Variants in MBOAT2 observed in about 807,000 individuals in gnomAD.
The protein encoded by MBOAT2 is membrane-bound glycerophospholipid O-acyltransferase 2.
A neutral mutation model predicts 63.4 loss-of-function variants in MBOAT2; 28 were observed. The ratio of observed to expected loss-of-function variants is 0.44; its 90% CI spans 0.33 to 0.61. MBOAT2 has a LOEUF of 0.61. Among genes scored for constraint, MBOAT2 ranks in the 20% least tolerant of loss-of-function variants. The probability of loss-of-function intolerance (pLI) is 0.03; values close to 1 mark genes in which losing one functional copy is unlikely to be tolerated. For missense variants in MBOAT2, 470 were observed against 605.8 expected (o/e 0.78, Z 2.35); for synonymous variants, 211 against 215.6 (o/e 0.98, Z 0.19).
chr2:8,862,176 C>A lies in MBOAT2; in HGVS notation c.1185+414G>T. Reference sequence around the variant, plus strand: ...AGAACTGTGTCCTCTTCCAGTGTGGCTCATCCACTGTCTTGGCCTCGCACA... The same window carrying A: ...AGAACTGTGTCCTCTTCCAGTGTGGATCATCCACTGTCTTGGCCTCGCACA... On this transcript the variant is annotated intron_variant, in intron 11 of 12. Transcript: ENST00000305997. This position sits in a 1 kb window ranked among gnomAD's most constrained non-coding sequence, Gnocchi z 4.3. 1.8e-6 allele frequency: 1 copy of A among 564,096 alleles called. No individual in the cohort carries two copies. The highest frequency in any genetic ancestry group is 2.0e-5 in the African/African-American group (1 of 50,532). The allele number at this position is 564,096 out of a possible 1,614,324, so 34.9% of individuals were successfully genotyped here. A position where few individuals can be genotyped will look rare whatever the true frequency, so the allele number is the denominator to read the frequency against.
At chr2:9,002,257 G>T (rs1336015915) in intron 1 of MBOAT2, among the ~76,000 whole-genome samples, 1 of 152,202 alleles carries the variant, frequency 6.6e-6, no homozygotes, top group African/African-American at 2.4e-5. Flanking sequence ...CTATTAACCA[G>T]AAGTTATGAC....
At chr2:8,930,379 C>T (rs1667232069) in intron 3 of MBOAT2, among the ~76,000 whole-genome samples, 1 of 152,144 alleles carries the variant, frequency 6.6e-6, no homozygotes, top group Admixed American at 6.5e-5. Flanking sequence ...TGGTTTCCAG[C>T]TTCATCCATG....
chr2:8,985,468 C>T (rs771597159), intron 1 of MBOAT2, among the ~76,000 whole-genome samples: 3 of 152,106 alleles, frequency 2.0e-5, no homozygotes, highest in Non-Finnish European at 4.4e-5. Context: ...ATGTTTATAC[C>T]TCAAAGTCTA....
At chr2:8,897,453 A>T (rs909068215) in intron 4 of MBOAT2, among the ~76,000 whole-genome samples, 2 of 152,172 alleles carry the variant, frequency 1.3e-5, no homozygotes, top group African/African-American at 4.8e-5. Context: ...CCCAGAGGTT[A>T]GGAACTCCCT....
chr2:8,986,765 T>A (rs1671600274), intron 1 of MBOAT2, among the ~76,000 whole-genome samples: 1 of 152,240 alleles, frequency 6.6e-6, no homozygotes, highest in Non-Finnish European at 1.5e-5. Flanking sequence ...CCTGACTGGA[T>A]TAGTGCCCTT....
At position 8,983,154 on chromosome 2, in the gene MBOAT2, C is replaced by T. The variant is rs78300472; in HGVS notation, c.75+20386G>A. Among the ~76,000 whole-genome samples, 862 of 152,014 alleles carry T rather than the reference C, an allele frequency of 5.7e-3. 7 individuals carry two copies. Among genetic ancestry groups the T allele is most frequent in the Non-Finnish European group, 9.6e-3 (651 of 67,996 alleles). ...ACTGAGGTCCTGGCTGCATCTAGAG[C>T]TTGATCCAAATTATATGATACAGAT... On this transcript the variant is annotated intron_variant, in intron 1 of 12. Coordinates refer to ENST00000305997, the MANE Select transcript of MBOAT2 (RefSeq NM_138799.4).
At chr2:8,999,325 T>C (rs1226977644) in intron 1 of MBOAT2, among the ~76,000 whole-genome samples, 5 of 151,940 alleles carry the variant, frequency 3.3e-5, no homozygotes, top group Non-Finnish European at 2.9e-5. Flanking sequence ...AATTACAGCA[T>C]CATGAGAAAT....
chr2:8,996,581 T>C (rs986249179), intron 1 of MBOAT2, among the ~76,000 whole-genome samples: 4 of 152,192 alleles, frequency 2.6e-5, no homozygotes, highest in African/African-American at 9.6e-5. Context: ...AGGTTCGCTG[T>C]AGGCTGGCTG....
intron 7 of MBOAT2, among the ~76,000 whole-genome samples, chr2:8,875,969 C>T (rs1246384189): frequency 2.6e-5 from 4 of 152,194 alleles, no homozygotes; most frequent in African/African-American, 9.7e-5. Flanking sequence ...CTTTGTTGCC[C>T]ACACAGTGGA....
In MBOAT2 at chr2:9,003,554, G is replaced by T; in HGVS notation, c.61C>A (p.Leu21Met). ...CCTCGGGGTACCTGGTCGATGGGCA[G>T]CTGCACGGCGTTGCTGAGGGGCTGC... ...LLQPLSNAVQ[L>M]PIDQVNFVVC... is the part of the protein sequence containing the mutation. The change falls in exon 1 of 13, where the codon CTG becomes ATG. Residue 21 changes from leucine to methionine, a missense_variant. Around this residue, in one of 3 missense-constraint regions of MBOAT2, gnomAD observed 376 missense variants for 503.8 expected, o/e 0.75. Coordinates refer to ENST00000305997, the MANE Select transcript of MBOAT2 (RefSeq NM_138799.4). The surrounding 1 kb of genome is among the most constrained non-coding windows in gnomAD (Gnocchi z 5.4). 1 of 1,227,362 alleles carries T rather than the reference G, an allele frequency of 8.1e-7. No homozygotes were observed. The highest frequency in any genetic ancestry group is 1.0e-6 in the Non-Finnish European group (1 of 978,696). 76.0% of individuals were successfully genotyped at this position (1,227,362 alleles called of 1,614,324 possible). A position where few individuals can be genotyped will look rare whatever the true frequency, so the allele number is the denominator to read the frequency against.
intron 1 of MBOAT2, among the ~76,000 whole-genome samples, chr2:8,979,193 C>T (rs896555290): frequency 2.0e-5 from 3 of 152,094 alleles, no homozygotes; most frequent in African/African-American, 4.8e-5. Flanking sequence ...TAAAATAGTA[C>T]ACTTTTCAAG....
At chr2:8,942,982 T>C (rs1668157988) in intron 3 of MBOAT2, among the ~76,000 whole-genome samples, 1 of 152,132 alleles carries the variant, frequency 6.6e-6, no homozygotes, top group Admixed American at 6.6e-5. Context: ...TGTCAATGAA[T>C]CATCCATCCC....
intron 3 of MBOAT2, among the ~76,000 whole-genome samples, chr2:8,925,646 C>T (rs1369426414): frequency 6.6e-6 from 1 of 152,152 alleles, no homozygotes; most frequent in Non-Finnish European, 1.5e-5. Context: ...ACATGTTAAT[C>T]ATCTAAAATT....
chr2:8,894,382 G>C (rs983667466), intron 4 of MBOAT2, among the ~76,000 whole-genome samples: 15 of 152,316 alleles, frequency 9.8e-5, no homozygotes, highest in African/African-American at 3.4e-4. Context: ...GTAATCAAAC[G>C]TAGGTCAAGG....
chr2:8,878,367 C>T (rs1662852517), intron 6 of MBOAT2, among the ~76,000 whole-genome samples: 1 of 152,098 alleles, frequency 6.6e-6, no homozygotes, highest in African/African-American at 2.4e-5. Context: ...AATGATAAAC[C>T]ATCACAAAGA....
At chr2:8,970,594 T>C (rs901590242) in intron 1 of MBOAT2, among the ~76,000 whole-genome samples, 1 of 152,138 alleles carries the variant, frequency 6.6e-6, no homozygotes, top group Non-Finnish European at 1.5e-5. Flanking sequence ...GCTGGTTTTT[T>C]GGAAGATCAA....
chr2:8,957,898 C>T (rs556316939), intron 2 of MBOAT2, among the ~76,000 whole-genome samples: 13 of 152,230 alleles, frequency 8.5e-5, no homozygotes, highest in African/African-American at 2.9e-4. Flanking sequence ...ACAGGAAGTA[C>T]AGTATTTCTG....
At chr2:8,913,304 A>G (rs905394446) in intron 3 of MBOAT2, among the ~76,000 whole-genome samples, 4 of 152,342 alleles carry the variant, frequency 2.6e-5, no homozygotes, top group African/African-American at 9.6e-5. Flanking sequence ...AGAACCCAAA[A>G]GCAAAGCAAT....
intron 1 of MBOAT2, among the ~76,000 whole-genome samples, chr2:8,964,144 C>T (rs1669825291): frequency 6.6e-6 from 1 of 152,174 alleles, no homozygotes. Context: ...TGTGCAAACC[C>T]CTCCTCTGGC....
Sources: gnomAD v4.1 joint callset for allele counts (sites outside exome capture counted in the v4.1 genomes callset) on GRCh38, gnomAD v4.1.1 for gene constraint, gnomAD v4.1.1 regional missense constraint, Gnocchi (gnomAD v3.1) non-coding constraint, MANE v1.5 for transcripts, NCBI Gene and HGNC (gene_info 2026-07-23, HGNC 2026-07-21) for gene names.